The following NLN variants were observed in gnomAD, a reference collection of about 807,000 sequenced individuals.
NLN encodes the protein neurolysin, mitochondrial.
A neutral mutation model predicts 79.9 loss-of-function variants in NLN; 64 were observed. That is an observed-to-expected ratio of 0.80 (90% CI 0.65 to 0.99). The LOEUF (loss-of-function observed/expected upper bound fraction) is 0.99, where lower values mean the gene tolerates loss of function less well. NLN is among the 50% of genes least tolerant of loss of function. The probability of loss-of-function intolerance (pLI) is 0.00; values close to 1 mark genes in which losing one functional copy is unlikely to be tolerated. For missense variants in NLN, 835 were observed against 858.7 expected, an observed-to-expected ratio of 0.97 and a Z score of 0.34; for synonymous variants, 267 against 296.6, an observed-to-expected ratio of 0.90 and a Z score of 1.02.
chr5:65,795,642 G>A (rs530327940), intron 9 of NLN, among the ~76,000 whole-genome samples: 5 of 152,230 alleles, frequency 3.3e-5, no homozygotes, highest in Admixed American at 1.3e-4. Context: ...AACCAAGATC[G>A]TGCCACTGCA....
At chr5:65,807,338 C>T (rs10069838) in intron 9 of NLN, among the ~76,000 whole-genome samples, 38,689 of 151,892 alleles carry the variant, frequency 0.25, 5,189 homozygotes, top group African/African-American at 0.32. Context: ...AGACCCTCCA[C>T]CAGCAAAAAA....
chr5:65,804,571 T>C (rs1838739), intron 9 of NLN, among the ~76,000 whole-genome samples: 109,513 of 152,118 alleles, frequency 0.72, 39,782 homozygotes, highest in African/African-American at 0.8. Flanking sequence ...ACCCTGTTGC[T>C]CAGGTTGGAG....
At chr5:65,788,760 C>T in intron 8 of NLN, among the ~76,000 whole-genome samples, 1 of 152,090 alleles carries the variant, frequency 6.6e-6, no homozygotes, top group Non-Finnish European at 1.5e-5. Flanking sequence ...TTGCTTGAGT[C>T]TAGGACTTCA....
intron 1 of NLN, among the ~76,000 whole-genome samples, chr5:65,730,918 C>G (rs1255670007): frequency 6.6e-6 from 1 of 152,186 alleles, no homozygotes; most frequent in Non-Finnish European, 1.5e-5. Context: ...ATATCCATTC[C>G]TATTACCACA....
At position 65,763,103 on chromosome 5, in the gene NLN, T is replaced by C; in HGVS notation, c.445T>C (p.Leu149=). 1 of 1,613,338 alleles carries C rather than the reference T, an allele frequency of 6.2e-7. No homozygotes were observed. The highest frequency in any genetic ancestry group is 8.5e-7 in the Non-Finnish European group (1 of 1,179,510). Residue 149 remains leucine (L), a synonymous_variant, in exon 3 of 13, where the codon TTA becomes CTA. Coordinates refer to ENST00000380985, the MANE Select transcript of NLN (RefSeq NM_020726.5). ...AGATATATTTGAGAGAATTGTTCATTTACAGGTAAGTGGTGTTATAAATCC... is the reference window on the plus strand; with the variant it reads ...AGATATATTTGAGAGAATTGTTCATCTACAGGTAAGTGGTGTTATAAATCC... ...RGDIFERIVH[L]QETCDLGKIK...
intron 1 of NLN, among the ~76,000 whole-genome samples, chr5:65,747,083 C>G (rs1056268235): frequency 2.6e-5 from 4 of 151,852 alleles, no homozygotes; most frequent in Non-Finnish European, 5.9e-5. Flanking sequence ...TGGATAGGAC[C>G]CAAGCACAGA....
intron 9 of NLN, among the ~76,000 whole-genome samples, chr5:65,796,551 T>G (rs1169063879): frequency 1.3e-5 from 2 of 152,246 alleles, no homozygotes; most frequent in African/African-American, 4.8e-5. Flanking sequence ...GAATAATGTG[T>G]TGGTACAATT....
intron 8 of NLN, among the ~76,000 whole-genome samples, chr5:65,791,546 A>C (rs1460566629): frequency 6.6e-6 from 1 of 152,148 alleles, no homozygotes; most frequent in East Asian, 1.9e-4. Context: ...CAACAGAGCA[A>C]GACTCCGTCT....
intron 1 of NLN, among the ~76,000 whole-genome samples, chr5:65,728,624 A>T (rs1462497070): frequency 6.6e-6 from 1 of 152,188 alleles, no homozygotes; most frequent in African/African-American, 2.4e-5. Flanking sequence ...TGAGCATTTT[A>T]ATTTTTTTTA....
Position 65,823,170 on chromosome 5 carries a change from A to G in NLN, c.*255A>G, listed in dbSNP as rs1013970655. 1.0e-4 allele frequency: 38 copies of G among 368,066 alleles called. No homozygotes were observed. Among genetic ancestry groups the G allele is most frequent in the Non-Finnish European group, 2.4e-5 (5 of 204,728 alleles). The allele number at this position is 368,066 out of a possible 1,614,324, so 22.8% of individuals were successfully genotyped here. A position where few individuals can be genotyped will look rare whatever the true frequency, so the allele number is the denominator to read the frequency against. ...TTTGATTTCTTTTTATGAAAGTTTC[A>G]TATGAATGTAACTTGATTTTTTACT... is the stretch of plus-strand genomic sequence containing the variant. On this transcript the variant is annotated 3_prime_UTR_variant, in exon 13 of 13. Transcript: ENST00000380985.
At chr5:65,750,116 G>A (rs1759071279) in intron 1 of NLN, among the ~76,000 whole-genome samples, 1 of 152,174 alleles carries the variant, frequency 6.6e-6, no homozygotes, top group Admixed American at 6.5e-5. Flanking sequence ...AGGGCTGCTT[G>A]GCATACATGT....
intron 1 of NLN, among the ~76,000 whole-genome samples, chr5:65,741,770 C>G (rs1329435347): frequency 6.6e-6 from 1 of 152,158 alleles, no homozygotes; most frequent in Non-Finnish European, 1.5e-5. Context: ...ATTTGTGAAG[C>G]AGCACTTGAT....
intron 9 of NLN, 99 bp downstream of exon 9, chr5:65,792,754 G>A (rs765503425): frequency 8.8e-6 from 9 of 1,024,008 alleles, no homozygotes; most frequent in Admixed American, 1.7e-5. Context: ...TTTTTCAGAA[G>A]CTGAATGTGT....
At chr5:65,762,923 C>A (rs1370735133) in intron 2 of NLN, 37 bp from the exon 3 acceptor site, 1 of 1,604,176 alleles carries the variant, frequency 6.2e-7, no homozygotes, top group Admixed American at 1.7e-5. Flanking sequence ...TTTGACAAGT[C>A]CTGTTGTGTG....
In NLN at chr5:65,826,626, T is replaced by C. The variant is rs2150782220; in HGVS notation, c.*3711T>C. ...GGTGAGAATAAAAGCAACAAAGAAATGAATGTGGTGGCTCACACCTGTAAT... is the reference window on the plus strand; with the variant it reads ...GGTGAGAATAAAAGCAACAAAGAAACGAATGTGGTGGCTCACACCTGTAAT... On this transcript the variant is annotated 3_prime_UTR_variant, in exon 13 of 13. Transcript: ENST00000380985. 6.6e-6 allele frequency: 1 copy of C among 152,192 alleles called. No homozygotes were observed. Among genetic ancestry groups the C allele is most frequent in the South Asian group, 2.1e-4 (1 of 4,818 alleles). 9.4% of individuals were successfully genotyped at this position (152,192 alleles called of 1,614,324 possible).
chr5:65,819,819 G>A (rs918246052), intron 12 of NLN, among the ~76,000 whole-genome samples: 2 of 151,988 alleles, frequency 1.3e-5, no homozygotes, highest in African/African-American at 4.8e-5. Context: ...GGTACCCCCC[G>A]AAACACAAAA....
rs949946164 is a variant in NLN at position 65,826,457 on chromosome 5, A to G, written c.*3542A>G. On this transcript the variant is annotated 3_prime_UTR_variant, in exon 13 of 13. Coordinates refer to ENST00000380985, the MANE Select transcript of NLN (RefSeq NM_020726.5). ...ACATAGTTAACTGAGCCCCCAAAGA[A>G]TGTTAAAAGAGAAAATCCATTTTAT... is the stretch of plus-strand genomic sequence containing the variant. 2 of 152,242 alleles carry G rather than the reference A, an allele frequency of 1.3e-5. No individual in the cohort carries two copies. Among genetic ancestry groups the G allele is most frequent in the African/African-American group, 4.8e-5 (2 of 41,464 alleles). 9.4% of individuals were successfully genotyped at this position (152,242 alleles called of 1,614,324 possible).
chr5:65,762,005 C>A (rs1244582947), intron 2 of NLN, among the ~76,000 whole-genome samples: 1 of 152,084 alleles, frequency 6.6e-6, no homozygotes, highest in African/African-American at 2.4e-5. Context: ...ATAAACCATA[C>A]TTATTTTTGT....
chr5:65,806,321 A>G (rs2150771994), intron 9 of NLN, among the ~76,000 whole-genome samples: 1 of 152,364 alleles, frequency 6.6e-6, no homozygotes, highest in South Asian at 2.1e-4. Context: ...GGATCTTGGC[A>G]AAGTACATTG....
Sources: gnomAD v4.1 joint callset for allele counts (sites outside exome capture counted in the v4.1 genomes callset) on GRCh38, gnomAD v4.1.1 for gene constraint, MANE v1.5 for transcripts, NCBI Gene and HGNC (gene_info 2026-07-23, HGNC 2026-07-21) for gene names.